The following CLUH variants were observed in gnomAD, a reference collection of about 807,000 sequenced individuals.
The protein encoded by CLUH is clustered mitochondria protein homolog.
In CLUH, 77 loss-of-function variants were observed where a neutral mutation model predicts 139.3. That is an observed-to-expected ratio of 0.55 (90% CI 0.46 to 0.67). CLUH has a LOEUF of 0.67. Among genes scored for constraint, CLUH ranks in the 30% least tolerant of loss-of-function variants. CLUH has a pLI of 0.00. For synonymous variants in CLUH, 999 were observed against 801.6 expected (o/e 1.25, Z -4.16); for missense variants, 1,876 against 1,875.8 (o/e 1.00, Z 0.00).
At position 2,695,205 on chromosome 17, in the gene CLUH, G is replaced by A. The variant is rs746852094; in HGVS notation, c.2607+13C>T. ...GGGAGGCCATGGCCAGCCGCAGAGC[G>A]GACGGGTGGCACCTGTAAGTACGTC... is the stretch of plus-strand genomic sequence containing the variant. On this transcript the variant is annotated intron_variant, in intron 15 of 25. Transcript: ENST00000651024. 4.2e-5 allele frequency: 68 copies of A among 1,613,748 alleles called. 1 individual carries two copies. The Middle Eastern group carries it at 8.2e-4, about 20-fold the overall frequency.
At position 2,697,876 on chromosome 17, in the gene CLUH, C is replaced by A; in HGVS notation, c.1961+20G>T. 1 of 1,458,262 alleles carries A rather than the reference C, an allele frequency of 6.9e-7. No homozygotes were observed. Among genetic ancestry groups the A allele is most frequent in the East Asian group, 2.5e-5 (1 of 40,146 alleles). The allele number at this position is 1,458,262 out of a possible 1,614,324, so 90.3% of individuals were successfully genotyped here. A position where few individuals can be genotyped will look rare whatever the true frequency, so the allele number is the denominator to read the frequency against. ...CCCTGCAGCTGGCCCCGGCCCTGGT[C>A]CGGCAGGGCCGCCCCTCACCTGTGC... On this transcript the variant is annotated intron_variant, in intron 10 of 25. Transcript: ENST00000651024.
chr17:2,702,744 C>T (rs958654843), intron 3 of CLUH, among the ~76,000 whole-genome samples: 3 of 151,866 alleles, frequency 2.0e-5, no homozygotes, highest in African/African-American at 7.3e-5. Context: ...TGGATCTCTA[C>T]AGAACTGAAC....
At chr17:2,691,430 C>G in intron 25 of CLUH, 179 bp downstream of exon 25, 1 of 619,374 alleles carries the variant, frequency 1.6e-6, no homozygotes, top group South Asian at 1.9e-5. Flanking sequence ...GGCGAGGTGG[C>G]GGACACCTGT....
In CLUH at chr17:2,695,361, G is replaced by A. The variant is rs138881362; in HGVS notation, c.2544+13C>T. The stretch of plus-strand genomic sequence containing the variant: ...CACAGCTCCCGTTCCGCCCCACCCC[G>A]GGCAGCACTCACAAAGACGTGGTCC... On this transcript the variant is annotated intron_variant, in intron 14 of 25. Transcript: ENST00000651024. 4,110 of 1,613,006 alleles carry A rather than the reference G, an allele frequency of 2.5e-3. 8 individuals carry two copies. The highest frequency in any genetic ancestry group is 3.1e-3 in the Non-Finnish European group (3,637 of 1,179,696).
Position 2,693,965 on chromosome 17 carries a change from C to G in CLUH, c.3166G>C (p.Val1056Leu), listed in dbSNP as rs769942085. 1.2e-6 allele frequency: 2 copies of G among 1,613,874 alleles called. No homozygotes were observed. Among genetic ancestry groups the G allele is most frequent in the South Asian group, 2.2e-5 (2 of 91,084 alleles). ...AGGCGCAGGCAGGCGCAGGTCTCCACGTGCATGGCTCCGTAGACGTTGTTA... is the reference window on the plus strand; with the variant it reads ...AGGCGCAGGCAGGCGCAGGTCTCCAGGTGCATGGCTCCGTAGACGTTGTTA... The part of the protein sequence containing the change: ...LFNNVYGAMH[V>L]ETCACLRLLA... Residue 1056 changes from valine (V) to leucine (L), a missense_variant, in exon 19 of 26, where the codon GTG becomes CTG. Around this residue, in one of 3 missense-constraint regions of CLUH, gnomAD observed 1,454 missense variants for 1,384.4 expected, o/e 1.05. Coordinates refer to ENST00000651024, the MANE Select transcript of CLUH (RefSeq NM_001366661.1).
chr17:2,695,112 G>A lies in CLUH; in HGVS notation c.2608-11C>T, dbSNP rs745852038. ...GGAGAGCTCGACTCCCTGCGAGGCA[G>A]GTTGGATCCGAGTCATGAGGGCCCT... On this transcript the variant is annotated splice_polypyrimidine_tract_variant and intron_variant, in intron 15 of 25. Coordinates refer to ENST00000651024, the MANE Select transcript of CLUH (RefSeq NM_001366661.1). The A allele has an allele frequency of 1.2e-6, 2 of 1,612,320 alleles. No individual in the cohort carries two copies. The highest frequency in any genetic ancestry group is 1.7e-6 in the Non-Finnish European group (2 of 1,179,078).
chr17:2,695,319 G>A (rs374240829), intron 14 of CLUH, 39 bp from the exon 15 acceptor site: 42 of 1,613,242 alleles, frequency 2.6e-5, no homozygotes, highest in Admixed American at 1.5e-4. Context: ...TCAGGCCCCC[G>A]GCCTCCATCC....
intron 3 of CLUH, 102 bp from the exon 4 acceptor site, chr17:2,702,159 A>G: frequency 7.2e-7 from 1 of 1,398,592 alleles, no homozygotes; most frequent in Non-Finnish European, 9.6e-7. Flanking sequence ...CAGTGGTTTT[A>G]ATTTTCAACT....
At chr17:2,695,806 G>A in intron 13 of CLUH, 1 of 584,010 alleles carries the variant, frequency 1.7e-6, no homozygotes, top group Non-Finnish European at 3.0e-6. Context: ...GAGGCTTGGA[G>A]GCCACGGTGT....
Position 2,704,599 on chromosome 17 carries a change from C to G in CLUH, c.101-35G>C. On this transcript the variant is annotated intron_variant, in intron 1 of 25. Coordinates refer to ENST00000651024, the MANE Select transcript of CLUH (RefSeq NM_001366661.1). The surrounding 1 kb of genome is among the most constrained non-coding windows in gnomAD (Gnocchi z 5.7). The stretch of plus-strand genomic sequence containing the variant: ...ACAAGAACGGGTCAGAATCAGGCAG[C>G]CTCGCTGGTCGGCGGGGCTGTCCGC... 1.3e-6 allele frequency: 2 copies of G among 1,516,358 alleles called. No homozygotes were observed. The highest frequency in any genetic ancestry group is 2.2e-4 in the Middle Eastern group (1 of 4,578). The allele number at this position is 1,516,358 out of a possible 1,614,324, so 93.9% of individuals were successfully genotyped here. A position where few individuals can be genotyped will look rare whatever the true frequency, so the allele number is the denominator to read the frequency against.
At chr17:2,692,257 T>C (rs1000544959) in intron 22 of CLUH, 104 bp downstream of exon 22, 1 of 1,452,140 alleles carries the variant, frequency 6.9e-7, no homozygotes, top group Non-Finnish European at 9.1e-7. Context: ...CGAGAGAAAT[T>C]TTCTCGGGTG....
At chr17:2,690,824 G>A (rs1170550448) in intron 25 of CLUH, 47 bp from the exon 26 acceptor site, 2 of 1,399,670 alleles carry the variant, frequency 1.4e-6, no homozygotes, top group Non-Finnish European at 1.9e-6. Context: ...GGAGTCCTGG[G>A]GGCTCCACCC....
Position 2,691,789 on chromosome 17 carries a change from C to T in CLUH, c.3761G>A (p.Gly1254Asp), listed in dbSNP as rs966636440. Residue 1254 changes from glycine to aspartate, a missense_variant, in exon 24 of 26, where the codon GGC (glycine) becomes GAC (aspartate). Physicochemically the swap from Gly to Asp is moderately conservative, Grantham distance 94 (BLOSUM62 -1). Around this residue, in one of 3 missense-constraint regions of CLUH, gnomAD observed 1,454 missense variants for 1,384.4 expected, o/e 1.05. Transcript: ENST00000651024. ...GAGGGGCGGGATGTTGGCGCTGGAG[C>T]CGTTGCGGTAGATCTCGTTCATGGT... ...QRTMNEIYRN[G>D]SSANIPPLKF... 2 of 1,590,462 alleles carry T rather than the reference C, an allele frequency of 1.3e-6. No homozygotes were observed. Among genetic ancestry groups the T allele is most frequent in the African/African-American group, 2.7e-5 (2 of 74,418 alleles).
rs1383083825 is a variant in CLUH, at chr17:2,704,613, G to A, written c.101-49C>T. 9.4e-6 allele frequency: 14 copies of A among 1,490,098 alleles called. No individual in the cohort carries two copies. Among genetic ancestry groups the A allele is most frequent in the East Asian group, 2.5e-5 (1 of 40,380 alleles). The allele number at this position is 1,490,098 out of a possible 1,614,324, so 92.3% of individuals were successfully genotyped here. A position where few individuals can be genotyped will look rare whatever the true frequency, so the allele number is the denominator to read the frequency against. The stretch of plus-strand genomic sequence containing the variant: ...GAATCAGGCAGCCTCGCTGGTCGGC[G>A]GGGCTGTCCGCCTGACCCCACACGG... On this transcript the variant is annotated intron_variant, in intron 1 of 25. Coordinates refer to ENST00000651024, the MANE Select transcript of CLUH (RefSeq NM_001366661.1). This position sits in a 1 kb window ranked among gnomAD's most constrained non-coding sequence, Gnocchi z 5.7.
In CLUH at chr17:2,704,467, C is replaced by G. The variant is rs754663425; in HGVS notation, c.198G>C (p.Glu66Asp). The G allele has an allele frequency of 6.3e-7, 1 of 1,599,420 alleles. No individual in the cohort carries two copies. The highest frequency in any genetic ancestry group is 8.5e-7 in the Non-Finnish European group (1 of 1,173,590). Reference protein sequence around the residue: ...AEPPRENGLDEAGPGDETTGQ... With the variant: ...AEPPRENGLDDAGPGDETTGQ... ...CGGTGGTCTCATCTCCCGGGCCGGC[C>G]TCGTCAAGCCCATTTTCCCTGGGTG... is the stretch of plus-strand genomic sequence containing the variant. The change falls in exon 2 of 26, where the codon GAG (glutamate) becomes GAC (aspartate). Residue 66 changes from glutamate to aspartate, a missense_variant. By Grantham distance (45) the Glu-to-Asp change is conservative. Around this residue, in one of 3 missense-constraint regions of CLUH, gnomAD observed 152 missense variants for 136.7 expected, o/e 1.11. Coordinates refer to ENST00000651024, the MANE Select transcript of CLUH (RefSeq NM_001366661.1). This position sits in a 1 kb window ranked among gnomAD's most constrained non-coding sequence, Gnocchi z 5.7.
In CLUH at chr17:2,698,685, C is replaced by A; in HGVS notation, c.1267-95G>T. ...CACGCACCTAGACCGCGGAGGCAACCGGGCCTGCCTTGGAAACCCAAGGAC... is the reference window on the plus strand; with the variant it reads ...CACGCACCTAGACCGCGGAGGCAACAGGGCCTGCCTTGGAAACCCAAGGAC... On this transcript the variant is annotated intron_variant, in intron 9 of 25. Coordinates refer to ENST00000651024, the MANE Select transcript of CLUH (RefSeq NM_001366661.1). 3 of 1,183,586 alleles carry A rather than the reference C, an allele frequency of 2.5e-6. No homozygotes were observed. In the Middle Eastern group the frequency reaches 8.9e-4, roughly 350 times the overall value. 73.3% of individuals were successfully genotyped at this position (1,183,586 alleles called of 1,614,324 possible).
In CLUH at chr17:2,695,405, C is replaced by A; in HGVS notation, c.2513G>T (p.Ser838Ile). 1 of 1,612,698 alleles carries A rather than the reference C, an allele frequency of 6.2e-7. No homozygotes were observed. Residue 838 changes from serine (S) to isoleucine (I), a missense_variant, in exon 14 of 26, where the codon AGC becomes ATC. Ser to Ile is a moderately radical substitution (Grantham distance 142). Around this residue, in one of 3 missense-constraint regions of CLUH, gnomAD observed 1,454 missense variants for 1,384.4 expected, o/e 1.05. Coordinates refer to ENST00000651024, the MANE Select transcript of CLUH (RefSeq NM_001366661.1). ...GTGGTCCAGCTGGTGGCGGGCCGGG[C>A]TCCGCAGCACCAGCTCCAGCACCTT... ...LGKVLELVLRSPARHQLDHVF... is the reference protein window; with the variant it reads ...LGKVLELVLRIPARHQLDHVF...
At chr17:2,690,812 G>T (rs903678642) in intron 25 of CLUH, 35 bp from the exon 26 acceptor site, 29 of 1,451,694 alleles carry the variant, frequency 2.0e-5, no homozygotes, top group Non-Finnish European at 2.6e-5. Context: ...GTGGCTCTCA[G>T]AGGAGTCCTG....
chr17:2,694,556 A>G lies in CLUH; in HGVS notation c.2861T>C (p.Val954Ala). ...YFDFDLECET[V>A]DQAVETYGLQ... ...GCCGTAGGTCTCCACAGCCTGGTCC[A>G]CGGTCTCACTGAGGAGGGAGCAGGG... The change falls in exon 17 of 26, where the codon GTG becomes GCG. Residue 954 changes from valine to alanine, a missense_variant. Val to Ala is a moderately conservative substitution (Grantham distance 64). Transcript: ENST00000651024. 1.9e-6 allele frequency: 3 copies of G among 1,576,552 alleles called. No homozygotes were observed. Among genetic ancestry groups the G allele is most frequent in the Middle Eastern group, 1.7e-4 (1 of 6,012 alleles).
Sources: gnomAD v4.1 joint callset for allele counts (sites outside exome capture counted in the v4.1 genomes callset) on GRCh38, gnomAD v4.1.1 for gene constraint, gnomAD v4.1.1 regional missense constraint, Gnocchi (gnomAD v3.1) non-coding constraint, MANE v1.5 for transcripts, NCBI Gene and HGNC (gene_info 2026-07-23, HGNC 2026-07-21) for gene names.